The following SLX4 variants were observed in gnomAD, a reference collection of about 807,000 sequenced individuals.
The protein encoded by SLX4 is SLX4 structure-specific endonuclease subunit.
SLX4 carries 112 observed loss-of-function variants against 146.2 expected under a neutral mutation model. The ratio of observed to expected loss-of-function variants is 0.77; its 90% CI spans 0.66 to 0.90. The LOEUF (loss-of-function observed/expected upper bound fraction) is 0.90, where lower values mean the gene tolerates loss of function less well. SLX4 is among the 40% of genes least tolerant of loss of function. The pLI, the probability that SLX4 is intolerant of heterozygous loss-of-function variation, is 0.00. For synonymous variants in SLX4, 1,061 were observed against 997.7 expected (o/e 1.06, Z -1.20); for missense variants, 2,563 against 2,392.7 (o/e 1.07, Z -1.49).
At chr16:3,592,938 G>T in intron 10 of SLX4, 73 bp from the exon 11 acceptor site, 4 of 1,472,542 alleles carry the variant, frequency 2.7e-6, no homozygotes, top group South Asian at 2.6e-5. Context: ...GACGGTCTGG[G>T]GTGTCCTGCA....
At chr16:3,592,004 A>G (rs754307997) in intron 11 of SLX4, among the ~76,000 whole-genome samples, 1 of 152,262 alleles carries the variant, frequency 6.6e-6, no homozygotes, top group Non-Finnish European at 1.5e-5. Flanking sequence ...AAAATAAAAA[A>G]TAAATGAAAA....
chr16:3,589,130 G>A lies in SLX4; in HGVS notation c.4508C>T (p.Pro1503Leu), dbSNP rs370637700. The change falls in exon 12 of 15, where the codon CCG becomes CTG. Residue 1503 changes from proline (P) to leucine (L), a missense_variant. Coordinates refer to ENST00000294008, the MANE Select transcript of SLX4 (RefSeq NM_032444.4). This position sits in a 1 kb window ranked among gnomAD's most constrained non-coding sequence, Gnocchi z 6.2. ...SGAGSLGNSRPSFLNSALWDV... is the reference protein window; with the variant it reads ...SGAGSLGNSRLSFLNSALWDV... ...CCACAGAGCCGAATTCAGAAAGCTCGGCCTGCTATTCCCCAGGGAGCCCGC... is the reference window on the plus strand; with the variant it reads ...CCACAGAGCCGAATTCAGAAAGCTCAGCCTGCTATTCCCCAGGGAGCCCGC... 31 of 1,614,048 alleles carry A rather than the reference G, an allele frequency of 1.9e-5. No homozygotes were observed. Among genetic ancestry groups the A allele is most frequent in the African/African-American group, 6.7e-5 (5 of 75,024 alleles).
chr16:3,585,800 CAA>C (rs1226056168), intron 12 of SLX4, among the ~76,000 whole-genome samples: 20 of 60,708 alleles, frequency 3.3e-4, no homozygotes, highest in Non-Finnish European at 5.1e-4. Flanking sequence ...CCTATCTCTA[CAA>C]AAAAAAAAAA....
chr16:3,587,526 G>T (rs1284159065), intron 12 of SLX4, among the ~76,000 whole-genome samples: 1 of 152,188 alleles, frequency 6.6e-6, no homozygotes, highest in South Asian at 2.1e-4. Flanking sequence ...TGACCATGGA[G>T]CCCTTTGAGC....
intron 11 of SLX4, among the ~76,000 whole-genome samples, chr16:3,591,848 ACT>A (rs1011457343): frequency 6.6e-5 from 10 of 152,140 alleles, no homozygotes; most frequent in African/African-American, 2.4e-4. Flanking sequence ...ACAGCAAGAG[ACT>A]CTGTCTCTAA....
intron 5 of SLX4, 159 bp downstream of exon 5, chr16:3,600,820 T>A (rs1883501325): frequency 2.8e-6 from 2 of 710,370 alleles, no homozygotes; most frequent in Admixed American, 4.9e-5. Context: ...GGTATCGAAC[T>A]CCTGATCTAA....
Position 3,597,402 on chromosome 16 carries a change from G to C in SLX4, c.1660C>G (p.Leu554Val), listed in dbSNP as rs562774038. Residue 554 changes from leucine to valine, a missense_variant, in exon 7 of 15, where the codon CTC becomes GTC. Coordinates refer to ENST00000294008, the MANE Select transcript of SLX4 (RefSeq NM_032444.4). The surrounding 1 kb of genome is among the most constrained non-coding windows in gnomAD (Gnocchi z 4.4). The part of the protein sequence containing the change: ...DFYTARLVPP[L>V]VPQRPAQGLM... ...ACCTGGGCAGGCCGCTGGGGCACGA[G>C]AGGAGGGACCAGCCTGGCCGTGTAG... 2 of 1,593,472 alleles carry C rather than the reference G, an allele frequency of 1.3e-6. No individual in the cohort carries two copies. The highest frequency in any genetic ancestry group is 2.3e-5 in the South Asian group (2 of 88,650).
chr16:3,604,051 G>A (rs2040757232), intron 3 of SLX4, among the ~76,000 whole-genome samples: 1 of 151,996 alleles, frequency 6.6e-6, no homozygotes, highest in Non-Finnish European at 1.5e-5. Flanking sequence ...GCAACATGGT[G>A]AAACCCCATT....
chr16:3,596,188 C>T lies in SLX4; in HGVS notation c.1889G>A (p.Gly630Asp). ...TTCCGAGCCAGCCAGGCCCCCACTG[C>T]CGGGCCACGGGCTGGCGCTCAGTCC... ...REGLSASPWP[G>D]SGGLAGSEGT... The change falls in exon 8 of 15, where the codon GGC becomes GAC. Residue 630 changes from glycine (G) to aspartate (D), a missense_variant. Transcript: ENST00000294008. The T allele has an allele frequency of 6.4e-7, 1 of 1,551,438 alleles. No individual in the cohort carries two copies. The highest frequency in any genetic ancestry group is 8.7e-7 in the Non-Finnish European group (1 of 1,149,946).
intron 2 of SLX4, among the ~76,000 whole-genome samples, chr16:3,607,448 A>G (rs2040799625): frequency 6.6e-6 from 1 of 152,230 alleles, no homozygotes. Flanking sequence ...GGTAGTTTTC[A>G]GTTTTGCATG....
In SLX4 at chr16:3,589,291, CAG is replaced by C; in HGVS notation, c.4345_4346del (p.Leu1449GlufsTer17). ...TCCTGCGGCTGGGGCTGCTGGTGCT[CAG>C]GGGGCCGGTCCGCTCCAGGTTCCAG... ...DHWNLERTGP[L>X]STSSPSRRMN... is the part of the protein sequence containing the mutation. On this transcript the variant is annotated frameshift_variant, in exon 12 of 15. Coordinates refer to ENST00000294008, the MANE Select transcript of SLX4 (RefSeq NM_032444.4). LOFTEE classifies it high-confidence loss of function. This position sits in a 1 kb window ranked among gnomAD's most constrained non-coding sequence, Gnocchi z 6.2. The C allele has an allele frequency of 6.3e-7, 1 of 1,589,140 alleles. No homozygotes were observed. The highest frequency in any genetic ancestry group is 1.1e-5 in the South Asian group (1 of 87,094).
intron 13 of SLX4, among the ~76,000 whole-genome samples, chr16:3,583,741 G>A (rs1404849586): frequency 1.3e-5 from 2 of 152,322 alleles, no homozygotes; most frequent in African/African-American, 2.4e-5. Flanking sequence ...AATGGCTCAC[G>A]CCTACAATCC....
At chr16:3,610,464 A>G (rs555592115) in intron 1 of SLX4, among the ~76,000 whole-genome samples, 55 of 152,268 alleles carry the variant, frequency 3.6e-4, no homozygotes, top group African/African-American at 1.3e-3. Context: ...CACTGTTCCA[A>G]TTGCTTTCCA....
intron 8 of SLX4, 58 bp downstream of exon 8, chr16:3,596,095 C>T (rs533790474): frequency 4.8e-5 from 74 of 1,527,202 alleles, no homozygotes; most frequent in African/African-American, 3.0e-4. Context: ...GCCTCAGCCG[C>T]GGGGAGGGGA....
chr16:3,594,843 C>A (rs1393086256), intron 9 of SLX4, among the ~76,000 whole-genome samples: 2 of 152,192 alleles, frequency 1.3e-5, no homozygotes, highest in East Asian at 3.8e-4. Flanking sequence ...GTTCCCTGGC[C>A]CCCGTGGAGA....
intron 5 of SLX4, among the ~76,000 whole-genome samples, chr16:3,599,082 C>T (rs757574919): frequency 1.1e-4 from 16 of 152,188 alleles, no homozygotes; most frequent in Admixed American, 6.5e-4. Flanking sequence ...GGCAGACATA[C>T]TTTATCTGAG....
At chr16:3,602,917 G>A (rs2040743489) in intron 3 of SLX4, among the ~76,000 whole-genome samples, 1 of 152,062 alleles carries the variant, frequency 6.6e-6, no homozygotes, top group African/African-American at 2.4e-5. Flanking sequence ...TGATATTGCT[G>A]GAGCAGACCC....
chr16:3,594,318 C>T, intron 10 of SLX4, 135 bp downstream of exon 10: 1 of 1,256,974 alleles, frequency 8.0e-7, no homozygotes, highest in Non-Finnish European at 1.1e-6. Context: ...AAGGTGAGAA[C>T]ATGGTGGGGC....
In SLX4 at chr16:3,590,316, C is replaced by G. The variant is rs1237732471; in HGVS notation, c.3322G>C (p.Glu1108Gln). ...QKGKERRSVL[E>Q]CRNKGVLMFP... The stretch of plus-strand genomic sequence containing the variant: ...ATCAGGACCCCCTTATTTCTGCACT[C>G]CAGCACGGACCGACGCTCTTTGCCT... Residue 1108 changes from glutamate to glutamine, a missense_variant, in exon 12 of 15, where the codon GAG (glutamate) becomes CAG (glutamine). Coordinates refer to ENST00000294008, the MANE Select transcript of SLX4 (RefSeq NM_032444.4). This position sits in a 1 kb window ranked among gnomAD's most constrained non-coding sequence, Gnocchi z 4.8. 1 of 1,614,220 alleles carries G rather than the reference C, an allele frequency of 6.2e-7. No individual in the cohort carries two copies. The highest frequency in any genetic ancestry group is 2.2e-5 in the East Asian group (1 of 44,872).
Sources: allele counts gnomAD v4.1 joint callset (sites outside exome capture counted in the v4.1 genomes callset), GRCh38; gene constraint gnomAD v4.1.1; non-coding constraint Gnocchi (gnomAD v3.1); transcripts MANE v1.5; gene names NCBI Gene and HGNC (gene_info 2026-07-23, HGNC 2026-07-21).